PCDHA7: variants seen among roughly 807,000 people sequenced by gnomAD.
PCDHA7 encodes the protein protocadherin alpha-7.
PCDHA7 carries 37 observed loss-of-function variants against 57.2 expected under a neutral mutation model. The ratio of observed to expected loss-of-function variants is 0.65; its 90% confidence interval spans 0.50 to 0.85. The LOEUF is 0.85. Ranked by LOEUF, PCDHA7 falls within the 40% of genes least tolerant of loss-of-function variation. The pLI, the probability that PCDHA7 is intolerant of heterozygous loss-of-function variation, is 0.00. For missense variants in PCDHA7, 1,188 were observed against 1,241.8 expected, an observed-to-expected ratio of 0.96 and a Z score of 0.65; for synonymous variants, 553 against 558.8, an observed-to-expected ratio of 0.99 and a Z score of 0.15.
intron 1 of PCDHA7, chr5:140,927,342 T>C: frequency 6.2e-7 from 1 of 1,614,160 alleles, no homozygotes; most frequent in Non-Finnish European, 8.5e-7. Context: ...ATGCCCAAGA[T>C]GACGACGAGG....
Position 140,848,523 on chromosome 5 carries a change from G to T in PCDHA7, c.2355+11785G>T, listed in dbSNP as rs1314273290. 2.8e-5 allele frequency: 45 copies of T among 1,593,246 alleles called. 8 individuals are homozygous for T. The highest frequency in any genetic ancestry group is 3.6e-5 in the Non-Finnish European group (42 of 1,164,214). Reference sequence around the variant, plus strand: ...GTTATACTCAAGTCGAGGAGATCCAGAGGGTCAGCCTCTACTGCTCTCGCT... The same window carrying T: ...GTTATACTCAAGTCGAGGAGATCCATAGGGTCAGCCTCTACTGCTCTCGCT... On this transcript the variant is annotated intron_variant, in intron 1 of 3. Transcript: ENST00000525929.
chr5:140,945,605 C>G (rs564297850), intron 1 of PCDHA7, among the ~76,000 whole-genome samples: 1 of 152,166 alleles, frequency 6.6e-6, no homozygotes, highest in East Asian at 1.9e-4. Context: ...CTATAATAAT[C>G]AAAACAGCAT....
chr5:140,899,551 GC>G (rs1220661801), intron 1 of PCDHA7, among the ~76,000 whole-genome samples: 12 of 152,288 alleles, frequency 7.9e-5, no homozygotes, highest in Middle Eastern at 6.8e-3. Context: ...TGGTGGATAA[GC>G]TTTTTGATGT....
At chr5:140,857,465 ATCT>A in intron 1 of PCDHA7, 1 of 1,598,478 alleles carries the variant, frequency 6.3e-7, no homozygotes, top group Non-Finnish European at 8.6e-7. Context: ...AGGCTGCCAC[ATCT>A]TCACGGTGTC....
In PCDHA7 at chr5:140,863,490, A is replaced by C. The variant is rs149382847; in HGVS notation, c.2355+26752A>C. ...TGGAGAGTCGCCTCCCAAGGTCAAC[A>C]TTACGGCTTTTAGTCCTAGTGTTCT... is the stretch of plus-strand genomic sequence containing the variant. On this transcript the variant is annotated intron_variant, in intron 1 of 3. Coordinates refer to ENST00000525929, the MANE Select transcript of PCDHA7 (RefSeq NM_018910.3). 1.5e-4 allele frequency: 69 copies of C among 449,374 alleles called. No homozygotes were observed. In the East Asian group the frequency reaches 3.4e-3, roughly 22 times the overall value. 27.8% of individuals were successfully genotyped at this position (449,374 alleles called of 1,614,324 possible). A position where few individuals can be genotyped will look rare whatever the true frequency, so the allele number is the denominator to read the frequency against.
rs782061977 is a variant in PCDHA7 at position 140,870,205 on chromosome 5, A to C, written c.2355+33467A>C. 2.5e-6 allele frequency: 4 copies of C among 1,614,148 alleles called. No homozygotes were observed. The South Asian group carries it at 4.4e-5, about 18-fold the overall frequency. On this transcript the variant is annotated intron_variant, in intron 1 of 3. Transcript: ENST00000525929. Reference sequence around the variant, plus strand: ...AGAGGACGCTCAGCCCAGCACGGTCATTGCCCTGATCAGCGTGTCTGACCG... The same window carrying C: ...AGAGGACGCTCAGCCCAGCACGGTCCTTGCCCTGATCAGCGTGTCTGACCG...
intron 1 of PCDHA7, chr5:140,864,231 T>G (rs949424981): frequency 2.0e-5 from 3 of 152,222 alleles, no homozygotes; most frequent in Non-Finnish European, 4.4e-5. Flanking sequence ...AAGCAAGTTC[T>G]TTATTCCTAT....
intron 1 of PCDHA7, among the ~76,000 whole-genome samples, chr5:140,873,602 C>T (rs1554166789): frequency 6.6e-6 from 1 of 152,118 alleles, no homozygotes; most frequent in African/African-American, 2.4e-5. Flanking sequence ...TTAGATGTTC[C>T]TATTGGCTTA....
chr5:140,985,975 G>A (rs2097182023), intron 3 of PCDHA7, among the ~76,000 whole-genome samples: 2 of 152,148 alleles, frequency 1.3e-5, no homozygotes, highest in South Asian at 2.1e-4. Flanking sequence ...TCCTGACCTC[G>A]TGATCCGCCC....
At chr5:140,843,379 T>G in intron 1 of PCDHA7, 1 of 1,595,912 alleles carries the variant, frequency 6.3e-7, no homozygotes, top group Non-Finnish European at 8.6e-7. Flanking sequence ...CGGCTGGCGT[T>G]TTGGGTCCGG....
At chr5:140,978,903 C>T in intron 1 of PCDHA7, 46 bp from the exon 2 acceptor site, 4 of 1,613,202 alleles carry the variant, frequency 2.5e-6, no homozygotes, top group Middle Eastern at 1.7e-4. Flanking sequence ...CCTGGGAGAA[C>T]ATTGTCTTGT....
At chr5:140,982,660 T>C (rs2096994626) in intron 3 of PCDHA7, 97 bp downstream of exon 3, 2 of 1,482,562 alleles carry the variant, frequency 1.3e-6, no homozygotes, top group South Asian at 2.7e-5. Context: ...CTCTTTTTCT[T>C]TTATATTTTT....
chr5:140,866,116 T>C (rs1232986434), intron 1 of PCDHA7: 2 of 152,196 alleles, frequency 1.3e-5, no homozygotes, highest in Non-Finnish European at 2.9e-5. Flanking sequence ...AGTTGCCTTA[T>C]AAGAACTACG....
chr5:140,848,968 C>G (rs2150427139), intron 1 of PCDHA7: 1 of 1,605,306 alleles, frequency 6.2e-7, no homozygotes, highest in East Asian at 2.2e-5. Flanking sequence ...GAGGGCGCGT[C>G]CGATGCAGAT....
chr5:140,929,020 A>C (rs1183262810), intron 1 of PCDHA7: 6 of 1,614,070 alleles, frequency 3.7e-6, no homozygotes, highest in Non-Finnish European at 5.1e-6. Flanking sequence ...GTTGCACCAG[A>C]GCCCAGGCTG....
chr5:140,955,397 A>G (rs1470827673), intron 1 of PCDHA7, among the ~76,000 whole-genome samples: 1 of 152,130 alleles, frequency 6.6e-6, no homozygotes, highest in Non-Finnish European at 1.5e-5. Context: ...CAATTATCCC[A>G]TACAGTTCTC....
At chr5:140,850,703 G>A (rs1191486729) in intron 1 of PCDHA7, 2 of 1,598,114 alleles carry the variant, frequency 1.3e-6, no homozygotes, top group African/African-American at 2.7e-5. Flanking sequence ...CGCCTGGCAA[G>A]CCGACGCTGG....
chr5:140,841,736 A>C, intron 1 of PCDHA7: 1 of 1,613,716 alleles, frequency 6.2e-7, no homozygotes, highest in South Asian at 1.1e-5. Flanking sequence ...AAAAGACCAA[A>C]AGCTGTTTGT....
chr5:140,882,124 C>T (rs1166492594), intron 1 of PCDHA7: 2 of 1,459,646 alleles, frequency 1.4e-6, no homozygotes, highest in African/African-American at 1.4e-5. Flanking sequence ...CCGTTTCTTT[C>T]TTCCTGCAGA....
Sources: gnomAD v4.1 joint callset for allele counts (sites outside exome capture counted in the v4.1 genomes callset) on GRCh38, gnomAD v4.1.1 for gene constraint, MANE v1.5 for transcripts, NCBI Gene and HGNC (gene_info 2026-07-23, HGNC 2026-07-21) for gene names.